The following EPHA6 variants were observed in gnomAD, a reference collection of about 807,000 sequenced individuals.
The protein encoded by EPHA6 is ephrin type-A receptor 6.
In EPHA6, 50 loss-of-function variants were observed where a neutral mutation model predicts 112.0. The observed-to-expected ratio is 0.45, with a 90% CI of 0.36 to 0.56. EPHA6 has a LOEUF of 0.56. Ranked by LOEUF, EPHA6 falls within the 20% of genes least tolerant of loss-of-function variation. The pLI is 0.00. For missense variants in EPHA6, 1,280 were observed against 1,417.4 expected, an observed-to-expected ratio of 0.90 and a Z score of 1.56; for synonymous variants, 529 against 490.7, an observed-to-expected ratio of 1.08 and a Z score of -1.03.
intron 11 of EPHA6, among the ~76,000 whole-genome samples, chr3:97,535,395 C>T (rs1210790547): frequency 6.6e-6 from 1 of 152,078 alleles, no homozygotes; most frequent in Non-Finnish European, 1.5e-5. Flanking sequence ...TGTTGAGTGA[C>T]AATCACCATT....
chr3:97,396,000 G>A (rs982534476), intron 5 of EPHA6, among the ~76,000 whole-genome samples: 1 of 151,648 alleles, frequency 6.6e-6, no homozygotes, highest in Non-Finnish European at 1.5e-5. Flanking sequence ...TAAACAACTA[G>A]AGGTTTACAA....
At chr3:97,671,676 T>C (rs921725113) in intron 14 of EPHA6, among the ~76,000 whole-genome samples, 4 of 152,182 alleles carry the variant, frequency 2.6e-5, no homozygotes, top group Admixed American at 1.3e-4. Flanking sequence ...AAATGGTACT[T>C]TTAAAAACCT....
chr3:97,353,204 A>G (rs2083898168), intron 5 of EPHA6, among the ~76,000 whole-genome samples: 1 of 151,762 alleles, frequency 6.6e-6, no homozygotes, highest in Non-Finnish European at 1.5e-5. Context: ...TTCAGGTGTG[A>G]CCCAGCGCAT....
chr3:97,579,912 T>G (rs994833779), intron 11 of EPHA6, among the ~76,000 whole-genome samples: 8 of 152,184 alleles, frequency 5.3e-5, no homozygotes, highest in Admixed American at 4.6e-4. Context: ...CACAACAGTA[T>G]GTACATAAAA....
At chr3:97,474,787 A>G (rs1345031037) in intron 7 of EPHA6, among the ~76,000 whole-genome samples, 1 of 151,942 alleles carries the variant, frequency 6.6e-6, no homozygotes, top group South Asian at 2.1e-4. Flanking sequence ...TTTAAACATC[A>G]TTTTTCCAAT....
intron 6 of EPHA6, 43 bp downstream of exon 6, chr3:97,405,317 CATATATATGT>C: frequency 6.6e-7 from 1 of 1,511,008 alleles, no homozygotes; most frequent in Non-Finnish European, 9.1e-7. Context: ...CATATATATG[CATATATATGT>C]ATATATTGAG....
chr3:96,920,031 G>A (rs77113349), intron 2 of EPHA6, among the ~76,000 whole-genome samples: 34 of 151,848 alleles, frequency 2.2e-4, no homozygotes, highest in Non-Finnish European at 2.5e-4. Flanking sequence ...GGAGCAGGCC[G>A]AGATTTCTTA....
intron 3 of EPHA6, among the ~76,000 whole-genome samples, chr3:97,085,657 C>T (rs2046870436): frequency 6.6e-6 from 1 of 152,086 alleles, no homozygotes; most frequent in East Asian, 1.9e-4. Flanking sequence ...TACAAATACT[C>T]AGATAAAATA....
At chr3:97,461,090 G>T (rs9826983) in intron 7 of EPHA6, among the ~76,000 whole-genome samples, 7,209 of 152,120 alleles carry the variant, frequency 0.047, 569 homozygotes, top group African/African-American at 0.16. Flanking sequence ...TAATCCTAAC[G>T]GTTACTCCAA....
At chr3:97,707,384 C>T (rs552449511) in intron 14 of EPHA6, among the ~76,000 whole-genome samples, 24 of 152,170 alleles carry the variant, frequency 1.6e-4, no homozygotes, top group African/African-American at 3.1e-4. Flanking sequence ...AATAATAGTA[C>T]GTAGAGGTTA....
intron 3 of EPHA6, among the ~76,000 whole-genome samples, chr3:97,022,609 G>A (rs1481378891): frequency 1.3e-5 from 2 of 152,080 alleles, no homozygotes; most frequent in African/African-American, 4.8e-5. Flanking sequence ...CTTCTTACTT[G>A]ACTCAATCAG....
At chr3:97,088,588 C>T (rs1423876793) in intron 3 of EPHA6, among the ~76,000 whole-genome samples, 1 of 152,142 alleles carries the variant, frequency 6.6e-6, no homozygotes, top group Non-Finnish European at 1.5e-5. Flanking sequence ...ACACAGATTT[C>T]CTGAGACATA....
At chr3:96,921,263 A>G (rs986491820) in intron 2 of EPHA6, among the ~76,000 whole-genome samples, 1 of 152,148 alleles carries the variant, frequency 6.6e-6, no homozygotes, top group Non-Finnish European at 1.5e-5. Flanking sequence ...CAGATCATAC[A>G]TAAATAGAAG....
chr3:96,923,449 G>A (rs899334475), intron 2 of EPHA6, among the ~76,000 whole-genome samples: 2 of 151,776 alleles, frequency 1.3e-5, no homozygotes, highest in African/African-American at 4.8e-5. Context: ...CTTTTGAGAA[G>A]TGTCTGTTCA....
intron 3 of EPHA6, among the ~76,000 whole-genome samples, chr3:97,047,722 A>G (rs1322341314): frequency 6.6e-6 from 1 of 151,904 alleles, no homozygotes; most frequent in Admixed American, 6.6e-5. Flanking sequence ...AAATAGTAGT[A>G]CAGAGTACTA....
chr3:96,817,555 A>G (rs1345300767), intron 1 of EPHA6, among the ~76,000 whole-genome samples: 1 of 151,988 alleles, frequency 6.6e-6, no homozygotes, highest in African/African-American at 2.4e-5. Context: ...TAATTGTCCA[A>G]TAATTTTCAC....
Position 97,019,004 on chromosome 3 carries a change from C to T in EPHA6, c.1114+31011C>T, listed in dbSNP as rs541197532. 1.1e-4 allele frequency among the ~76,000 whole-genome samples: 17 copies of T among 152,284 alleles called. No homozygotes were observed. In the South Asian group the frequency reaches 1.7e-3, roughly 15 times the overall value. ...GTCTTCTGGTCACTCCTCACTATGT[C>T]CCCTCAGCTCCTATCTCTGTATGGC... On this transcript the variant is annotated intron_variant, in intron 3 of 17. Coordinates refer to ENST00000389672, the MANE Select transcript of EPHA6 (RefSeq NM_001080448.3).
At chr3:97,163,789 T>G (rs2076473401) in intron 3 of EPHA6, among the ~76,000 whole-genome samples, 1 of 152,192 alleles carries the variant, frequency 6.6e-6, no homozygotes, top group Non-Finnish European at 1.5e-5. Flanking sequence ...TCAGTGACCT[T>G]GGCTGCATCA....
At chr3:97,679,347 A>G (rs2031669515) in intron 14 of EPHA6, among the ~76,000 whole-genome samples, 2 of 152,148 alleles carry the variant, frequency 1.3e-5, no homozygotes, top group African/African-American at 4.8e-5. Context: ...CAGCTGGAAG[A>G]TAATCATGGA....
Sources: allele counts gnomAD v4.1 joint callset (sites outside exome capture counted in the v4.1 genomes callset), GRCh38; gene constraint gnomAD v4.1.1; transcripts MANE v1.5; gene names NCBI Gene and HGNC (gene_info 2026-07-23, HGNC 2026-07-21).